Variants in CDCA2 observed in about 807,000 individuals in gnomAD.
The protein encoded by CDCA2 is cell division cycle associated 2.
CDCA2 carries 44 observed loss-of-function variants against 67.0 expected under a neutral mutation model. The ratio of observed to expected loss-of-function variants is 0.66; its 90% confidence interval spans 0.52 to 0.84. The LOEUF (loss-of-function observed/expected upper bound fraction) is 0.84. Ranked by LOEUF, CDCA2 falls within the 40% of genes least tolerant of loss-of-function variation. The pLI, the probability that CDCA2 is intolerant of heterozygous loss-of-function variation, is 0.00. For synonymous variants in CDCA2, 447 were observed against 418.7 expected, an observed-to-expected ratio of 1.07 and a Z score of -0.82; for missense variants, 1,253 against 1,203.2, an observed-to-expected ratio of 1.04 and a Z score of -0.61.
chr8:25,467,104 T>C (rs1260831570), intron 5 of CDCA2, among the ~76,000 whole-genome samples: 1 of 148,152 alleles, frequency 6.7e-6, no homozygotes, highest in African/African-American at 2.5e-5. Context: ...TCTGATAATC[T>C]GCTATATTCT....
chr8:25,506,432 C>T (rs939794880), intron 14 of CDCA2, 78 bp from the exon 15 acceptor site: 4 of 1,315,882 alleles, frequency 3.0e-6, no homozygotes, highest in Non-Finnish European at 4.1e-6. Context: ...AAACAGGTCA[C>T]CTGATTATTT....
chr8:25,503,449 T>G lies in CDCA2; in HGVS notation c.1748T>G (p.Ile583Ser), dbSNP rs752432222. The change falls in exon 14 of 15, where the codon ATT becomes AGT. Residue 583 changes from isoleucine to serine, a missense_variant. Transcript: ENST00000330560. ...AAATCTTTATATGGGGAAAGAGACATTGCTTCTAAGAAGCCCCTCCTCAGT... is the reference window on the plus strand; with the variant it reads ...AAATCTTTATATGGGGAAAGAGACAGTGCTTCTAAGAAGCCCCTCCTCAGT... Reference protein sequence around the residue: ...VQKSLYGERDIASKKPLLSPI... With the variant: ...VQKSLYGERDSASKKPLLSPI... 2 of 1,613,984 alleles carry G rather than the reference T, an allele frequency of 1.2e-6. No homozygotes were observed. Among genetic ancestry groups the G allele is most frequent in the Non-Finnish European group, 1.7e-6 (2 of 1,179,862 alleles).
intron 9 of CDCA2, 112 bp from the exon 10 acceptor site, chr8:25,483,854 A>G (rs570797543): frequency 1.3e-5 from 12 of 939,908 alleles, no homozygotes; most frequent in South Asian, 7.0e-5. Context: ...TTTACTAGCT[A>G]TTATACAAAT....
At position 25,475,396 on chromosome 8, in the gene CDCA2, G is replaced by A. The variant is rs146018865; in HGVS notation, c.821-4517G>A. 2.2e-3 allele frequency among the ~76,000 whole-genome samples: 331 copies of A among 152,270 alleles called. 4 individuals are homozygous for A. Among genetic ancestry groups the A allele is most frequent in the African/African-American group, 7.7e-3 (318 of 41,552 alleles). ...TAGCCAGGCGTGGTGGCACCTGCCT[G>A]TAATCCCAGCTACTCAGGAGGCTGA... On this transcript the variant is annotated intron_variant, in intron 7 of 14. Coordinates refer to ENST00000330560, the MANE Select transcript of CDCA2 (RefSeq NM_152562.4).
chr8:25,477,954 A>T (rs368676312), intron 7 of CDCA2, among the ~76,000 whole-genome samples: 187 of 144,760 alleles, frequency 1.3e-3, no homozygotes, highest in African/African-American at 4.4e-3. Flanking sequence ...CTTAAGTTAG[A>T]GTCTCGCTGT....
rs539965548 is a variant in CDCA2 at position 25,505,390 on chromosome 8, G to A, written c.1844-1120G>A. Among the ~76,000 whole-genome samples the A allele has an allele frequency of 7.9e-5, 12 of 152,118 alleles. No individual in the cohort carries two copies. The South Asian group carries it at 1.2e-3, about 16-fold the overall frequency. On this transcript the variant is annotated intron_variant, in intron 14 of 14. Coordinates refer to ENST00000330560, the MANE Select transcript of CDCA2 (RefSeq NM_152562.4). Reference sequence around the variant, plus strand: ...CTAATTTTGTATTTTTAGTAGAGACGGGGTTTCACCATGTTGGCCAGGCTG... The same window carrying A: ...CTAATTTTGTATTTTTAGTAGAGACAGGGTTTCACCATGTTGGCCAGGCTG...
intron 7 of CDCA2, among the ~76,000 whole-genome samples, chr8:25,478,884 GTGTGTATA>G (rs1048169720): frequency 4.3e-4 from 50 of 117,550 alleles, no homozygotes; most frequent in East Asian, 1.8e-3. Context: ...CTTGTTGTGT[GTGTGTATA>G]TATATATATA....
intron 7 of CDCA2, among the ~76,000 whole-genome samples, chr8:25,474,145 A>C (rs1336890406): frequency 1.3e-5 from 2 of 152,200 alleles, no homozygotes; most frequent in African/African-American, 4.8e-5. Flanking sequence ...GGATAAATCT[A>C]ATTTGATCAT....
Position 25,466,270 on chromosome 8 carries a change from G to GACC in CDCA2, c.484_486dup (p.Thr162dup), listed in dbSNP as rs769085259. ...ACTCCATAAAGGAAAACGAGAAAAT[G>GACC]ACCGGCTGTCTGGAATTCTCAGAGG... is the stretch of plus-strand genomic sequence containing the variant. On this transcript the variant is annotated inframe_insertion, in exon 5 of 15. Coordinates refer to ENST00000330560, the MANE Select transcript of CDCA2 (RefSeq NM_152562.4). 429 of 1,610,486 alleles carry GACC rather than the reference G, an allele frequency of 2.7e-4. No homozygotes were observed. Among genetic ancestry groups the GACC allele is most frequent in the Non-Finnish European group, 3.2e-4 (383 of 1,179,218 alleles).
chr8:25,484,229 G>C lies in CDCA2; in HGVS notation c.1365+19G>C, dbSNP rs1717933762. 5 of 1,610,198 alleles carry C rather than the reference G, an allele frequency of 3.1e-6. No individual in the cohort carries two copies. The Middle Eastern group carries it at 5.0e-4, about 160-fold the overall frequency. On this transcript the variant is annotated intron_variant, in intron 10 of 14. Coordinates refer to ENST00000330560, the MANE Select transcript of CDCA2 (RefSeq NM_152562.4). Reference sequence around the variant, plus strand: ...GAATCTTGTAAGTATGAAAAGCGTGGAACAAGCTTGCCATATGTATTTTCA... The same window carrying C: ...GAATCTTGTAAGTATGAAAAGCGTGCAACAAGCTTGCCATATGTATTTTCA...
At chr8:25,496,087 TACA>T (rs913238917) in intron 13 of CDCA2, among the ~76,000 whole-genome samples, 2 of 152,242 alleles carry the variant, frequency 1.3e-5, no homozygotes, top group Middle Eastern at 3.4e-3. Flanking sequence ...CTTTCAGATT[TACA>T]ACAACAAATT....
In CDCA2 at chr8:25,483,440, G is replaced by A. The variant is rs144835235; in HGVS notation, c.1074G>A (p.Pro358=). The A allele has an allele frequency of 6.5e-5, 105 of 1,611,924 alleles. No individual in the cohort carries two copies. In the African/African-American group the frequency reaches 1.2e-3, roughly 18 times the overall value. The change falls in exon 9 of 15, where the codon CCG becomes CCA. Residue 358 remains proline, a synonymous_variant. Transcript: ENST00000330560. ...TCTATGATGATGATGGGACTCATCCGAGCTTAATCTCAAATCTCCCAAACT... is the reference window on the plus strand; with the variant it reads ...TCTATGATGATGATGGGACTCATCCAAGCTTAATCTCAAATCTCCCAAACT... The part of the protein sequence containing the change: ...NNLYDDDGTH[P]SLISNLPNCC...
intron 13 of CDCA2, among the ~76,000 whole-genome samples, chr8:25,498,463 C>CG (rs1804335809): frequency 2.4e-5 from 3 of 125,752 alleles, no homozygotes; most frequent in Non-Finnish European, 5.2e-5. Context: ...ACCCCCCCCC[C>CG]GCCCCCCAGG....
At chr8:25,468,479 C>A in intron 6 of CDCA2, 66 bp downstream of exon 6, 2 of 1,304,178 alleles carry the variant, frequency 1.5e-6, no homozygotes, top group Non-Finnish European at 2.2e-6. Flanking sequence ...AGTTTTAAGG[C>A]TGTCAGTGCC....
intron 4 of CDCA2, among the ~76,000 whole-genome samples, chr8:25,463,023 G>A (rs913035778): frequency 1.3e-5 from 2 of 150,322 alleles, no homozygotes; most frequent in Non-Finnish European, 1.5e-5. Context: ...GCTTTCTAGA[G>A]GAGCTTTTTA....
intron 13 of CDCA2, among the ~76,000 whole-genome samples, chr8:25,490,491 T>C (rs1203957871): frequency 6.6e-6 from 1 of 151,612 alleles, no homozygotes; most frequent in East Asian, 2.0e-4. Context: ...GTGGAAAGAT[T>C]TACAGTTCAG....
At chr8:25,461,385 CTA>C (rs1391795632) in intron 3 of CDCA2, among the ~76,000 whole-genome samples, 1 of 151,224 alleles carries the variant, frequency 6.6e-6, no homozygotes, top group South Asian at 2.1e-4. Flanking sequence ...GAAGGAAATA[CTA>C]TATGAGAATG....
intron 12 of CDCA2, among the ~76,000 whole-genome samples, chr8:25,488,259 T>C (rs969348837): frequency 5.3e-5 from 8 of 152,336 alleles, no homozygotes; most frequent in African/African-American, 1.9e-4. Flanking sequence ...AGGTTCTTAA[T>C]GAGTAGTTGA....
rs1475849744 is a variant in CDCA2, at chr8:25,488,620, A to G, written c.1602A>G (p.Glu534=). The change falls in exon 13 of 15, where the codon GAA becomes GAG. Residue 534 remains glutamate, a synonymous_variant. Coordinates refer to ENST00000330560, the MANE Select transcript of CDCA2 (RefSeq NM_152562.4). The part of the protein sequence containing the change: ...LLNTEVQPCK[E]KKINRRKSQE... ...ATACAGAAGTTCAGCCTTGTAAAGA[A>G]AAGAAAATTAATAGGAGGAAGTCTC... is the stretch of plus-strand genomic sequence containing the variant. The G allele has an allele frequency of 6.2e-7, 1 of 1,613,234 alleles. No homozygotes were observed. Among genetic ancestry groups the G allele is most frequent in the African/African-American group, 1.3e-5 (1 of 74,898 alleles).
Sources: allele counts gnomAD v4.1 joint callset (sites outside exome capture counted in the v4.1 genomes callset), GRCh38; gene constraint gnomAD v4.1.1; transcripts MANE v1.5; gene names NCBI Gene and HGNC (gene_info 2026-07-23, HGNC 2026-07-21).